The following DOK6 variants were observed in gnomAD, a reference collection of about 807,000 sequenced individuals.
The protein encoded by DOK6 is downstream of tyrosine kinase 6.
In DOK6, 22 loss-of-function variants were observed where a neutral mutation model predicts 44.0. The observed-to-expected ratio is 0.50, with a 90% CI of 0.36 to 0.71. The LOEUF (loss-of-function observed/expected upper bound fraction) is 0.71, where lower values mean the gene tolerates loss of function less well. Among genes scored for constraint, DOK6 ranks in the 30% least tolerant of loss-of-function variants. The probability of loss-of-function intolerance (pLI) is 0.00; values close to 1 mark genes in which losing one functional copy is unlikely to be tolerated. For synonymous variants in DOK6, 166 were observed against 145.5 expected (o/e 1.14, Z -1.01); for missense variants, 340 against 416.4 (o/e 0.82, Z 1.60).
chr18:69,472,039 A>G (rs1230679799), intron 1 of DOK6, among the ~76,000 whole-genome samples: 2 of 152,182 alleles, frequency 1.3e-5, no homozygotes, highest in Non-Finnish European at 2.9e-5. Context: ...TCAGGGCTTT[A>G]CATGCATTAT....
At chr18:69,563,568 G>A (rs1328361873) in intron 1 of DOK6, among the ~76,000 whole-genome samples, 9 of 146,688 alleles carry the variant, frequency 6.1e-5, no homozygotes, top group South Asian at 4.4e-4. Context: ...ATCAAACACC[G>A]CATGTTCTCA....
At chr18:69,633,645 A>G (rs8096788) in intron 3 of DOK6, among the ~76,000 whole-genome samples, 116,801 of 152,120 alleles carry the variant, frequency 0.77, 47,965 homozygotes, top group Non-Finnish European at 0.93. Context: ...CACAAAGCAG[A>G]ACCTATCTAA....
chr18:69,569,624 T>C (rs917523291), intron 2 of DOK6, among the ~76,000 whole-genome samples: 7 of 152,244 alleles, frequency 4.6e-5, no homozygotes, highest in African/African-American at 1.2e-4. Flanking sequence ...AAACCAGCTA[T>C]TATGCCTATG....
In DOK6 at chr18:69,487,175, A is replaced by ATGTG. The variant is rs1491370092; in HGVS notation, c.67-77311_67-77310insGTGT. On this transcript the variant is annotated intron_variant, in intron 1 of 7. Transcript: ENST00000382713. ...TACAATTAGCCTTGGCACTGATAGG[A>ATGTG]TATGTGTGTGTGTGTGTGTGTGTGT... 2.0e-3 allele frequency among the ~76,000 whole-genome samples: 202 copies of ATGTG among 102,606 alleles called. 1 individual carries two copies. The highest frequency in any genetic ancestry group is 6.8e-3 in the African/African-American group (196 of 28,620). The allele number at this position is 102,606 out of a possible 152,430, so 67.3% of individuals were successfully genotyped here. A position where few individuals can be genotyped will look rare whatever the true frequency, so the allele number is the denominator to read the frequency against.
chr18:69,611,495 TACACACAC>T (rs58620722), intron 3 of DOK6, among the ~76,000 whole-genome samples: 31 of 150,802 alleles, frequency 2.1e-4, no homozygotes, highest in African/African-American at 7.6e-4. Flanking sequence ...CAAGTACACG[TACACACAC>T]ACACACACAC....
intron 4 of DOK6, among the ~76,000 whole-genome samples, chr18:69,683,290 C>A (rs548785611): frequency 1.3e-5 from 2 of 152,280 alleles, no homozygotes; most frequent in South Asian, 4.1e-4. Context: ...CTGCTCTCTG[C>A]AGTGAGGGAA....
At chr18:69,756,306 A>G (rs1288568039) in intron 6 of DOK6, among the ~76,000 whole-genome samples, 1 of 152,098 alleles carries the variant, frequency 6.6e-6, no homozygotes, top group East Asian at 1.9e-4. Flanking sequence ...CCCTGTAAAC[A>G]CCAACCACAG....
At chr18:69,729,825 A>C (rs1457573700) in intron 5 of DOK6, among the ~76,000 whole-genome samples, 4 of 152,236 alleles carry the variant, frequency 2.6e-5, no homozygotes, top group African/African-American at 9.6e-5. Flanking sequence ...TAAAAAAGAC[A>C]TCATTCTCAA....
At chr18:69,450,527 A>AG (rs1223930565) in intron 1 of DOK6, among the ~76,000 whole-genome samples, 1 of 133,326 alleles carries the variant, frequency 7.5e-6, no homozygotes, top group Non-Finnish European at 1.6e-5. Flanking sequence ...CTAGCAAGGC[A>AG]GGCCAACGTT....
chr18:69,416,596 A>C (rs1978346407), intron 1 of DOK6, among the ~76,000 whole-genome samples: 1 of 152,138 alleles, frequency 6.6e-6, no homozygotes, highest in African/African-American at 2.4e-5. Context: ...TATAGACCCC[A>C]GTATGGCCCA....
At chr18:69,767,838 A>G (rs1979766023) in intron 7 of DOK6, among the ~76,000 whole-genome samples, 1 of 152,182 alleles carries the variant, frequency 6.6e-6, no homozygotes, top group African/African-American at 2.4e-5. Context: ...TCCGAAGAGG[A>G]CTCACAGTGC....
intron 1 of DOK6, among the ~76,000 whole-genome samples, chr18:69,408,429 C>G (rs1249390534): frequency 1.5e-5 from 2 of 132,606 alleles, no homozygotes; most frequent in East Asian, 3.9e-4. Context: ...AATTCACTAA[C>G]CTCTCCTTTC....
chr18:69,767,693 T>G (rs1317632336), intron 7 of DOK6, among the ~76,000 whole-genome samples: 1 of 152,196 alleles, frequency 6.6e-6, no homozygotes, highest in Non-Finnish European at 1.5e-5. Context: ...GCCTCTTTCC[T>G]AATGTGGACT....
intron 3 of DOK6, among the ~76,000 whole-genome samples, chr18:69,622,311 T>G (rs546457876): frequency 1.3e-5 from 2 of 152,228 alleles, no homozygotes; most frequent in Non-Finnish European, 2.9e-5. Flanking sequence ...CTTTGTCTCC[T>G]GTGAATTCAA....
intron 3 of DOK6, among the ~76,000 whole-genome samples, chr18:69,671,790 C>A (rs993707051): frequency 1.3e-5 from 2 of 152,104 alleles, no homozygotes; most frequent in African/African-American, 4.8e-5. Flanking sequence ...TTTTGAATTT[C>A]TGGGAATAAA....
At chr18:69,730,600 C>T (rs1291944989) in intron 5 of DOK6, among the ~76,000 whole-genome samples, 2 of 151,864 alleles carry the variant, frequency 1.3e-5, no homozygotes, top group African/African-American at 4.8e-5. Flanking sequence ...CTAACATTTT[C>T]GATGAAGATT....
chr18:69,513,733 A>G (rs1964554823), intron 1 of DOK6, among the ~76,000 whole-genome samples: 2 of 152,238 alleles, frequency 1.3e-5, no homozygotes, highest in African/African-American at 2.4e-5. Context: ...AAAAAATTTC[A>G]GTTAAGCTAA....
intron 1 of DOK6, among the ~76,000 whole-genome samples, chr18:69,412,115 G>C (rs1284129540): frequency 2.0e-5 from 3 of 152,018 alleles, no homozygotes; most frequent in Non-Finnish European, 4.4e-5. Flanking sequence ...TATACTTTTT[G>C]TATGTGTGCA....
At chr18:69,558,954 C>A (rs1195784982) in intron 1 of DOK6, among the ~76,000 whole-genome samples, 1 of 151,958 alleles carries the variant, frequency 6.6e-6, no homozygotes, top group Non-Finnish European at 1.5e-5. Flanking sequence ...ATTTTTGCAA[C>A]TGTTTATAAA....
Sources: gnomAD v4.1 joint callset for allele counts (sites outside exome capture counted in the v4.1 genomes callset) on GRCh38, gnomAD v4.1.1 for gene constraint, MANE v1.5 for transcripts, NCBI Gene and HGNC (gene_info 2026-07-23, HGNC 2026-07-21) for gene names.